Variants in GRIK2 observed in about 807,000 individuals in gnomAD.
GRIK2 encodes the protein glutamate receptor ionotropic, kainate 2.
GRIK2 carries 32 observed loss-of-function variants against 100.3 expected under a neutral mutation model. The ratio of observed to expected loss-of-function variants is 0.32; its 90% CI spans 0.24 to 0.43. The LOEUF (loss-of-function observed/expected upper bound fraction) is 0.43, where lower values mean the gene tolerates loss of function less well. GRIK2 is among the 20% of genes least tolerant of loss of function. The probability of loss-of-function intolerance (pLI) is 1.00; values close to 1 mark genes in which losing one functional copy is unlikely to be tolerated. For synonymous variants in GRIK2, 417 were observed against 389.4 expected, an observed-to-expected ratio of 1.07 and a Z score of -0.83; for missense variants, 843 against 1,114.9, an observed-to-expected ratio of 0.76 and a Z score of 3.47.
intron 2 of GRIK2, among the ~76,000 whole-genome samples, chr6:101,459,742 G>A (rs1771198263): frequency 6.6e-6 from 1 of 151,132 alleles, no homozygotes; most frequent in Non-Finnish European, 1.5e-5. Flanking sequence ...TCATTTTATT[G>A]TACTCTGCTC....
rs1770208888 is a variant in GRIK2 at position 102,035,256 on chromosome 6, T to C, written c.2086-85T>C. On this transcript the variant is annotated intron_variant, in intron 14 of 16. Coordinates refer to ENST00000369134, the MANE Select transcript of GRIK2 (RefSeq NM_021956.5). The stretch of plus-strand genomic sequence containing the variant: ...TAAGATGGTACAAGTAAAGTAAATG[T>C]AGTTCATTGTGTCTAAGCATTATAG... 13 of 591,252 alleles carry C rather than the reference T, an allele frequency of 2.2e-5. No homozygotes were observed. The South Asian group carries it at 3.2e-4, about 14-fold the overall frequency. The allele number at this position is 591,252 out of a possible 1,614,324, so 36.6% of individuals were successfully genotyped here.
chr6:101,678,686 A>G (rs1771018775), intron 5 of GRIK2, among the ~76,000 whole-genome samples: 1 of 152,166 alleles, frequency 6.6e-6, no homozygotes, highest in South Asian at 2.1e-4. Context: ...CTGAACATTC[A>G]CTGATGTTGG....
intron 2 of GRIK2, among the ~76,000 whole-genome samples, chr6:101,571,023 G>A (rs1343346383): frequency 6.6e-6 from 1 of 151,532 alleles, no homozygotes; most frequent in Non-Finnish European, 1.5e-5. Context: ...TGATTTTTCT[G>A]TAGAGTTTGA....
chr6:101,610,773 G>T (rs754247549), intron 2 of GRIK2, among the ~76,000 whole-genome samples: 9 of 151,666 alleles, frequency 5.9e-5, no homozygotes, highest in Non-Finnish European at 1.0e-4. Context: ...TTTTCATTTG[G>T]TTGACCTATT....
intron 2 of GRIK2, among the ~76,000 whole-genome samples, chr6:101,405,373 TGA>T (rs1491427401): frequency 6.7e-6 from 1 of 150,234 alleles, no homozygotes; most frequent in Admixed American, 6.6e-5. Context: ...CTTTCTCATT[TGA>T]AAAAAAAAAG....
chr6:101,514,008 C>G (rs1437264392), intron 2 of GRIK2, among the ~76,000 whole-genome samples: 1 of 151,868 alleles, frequency 6.6e-6, no homozygotes, highest in Non-Finnish European at 1.5e-5. Flanking sequence ...AAATTGCTTG[C>G]AAGACCGATC....
intron 7 of GRIK2, among the ~76,000 whole-genome samples, chr6:101,742,775 GT>G (rs1487549038): frequency 6.6e-6 from 1 of 152,152 alleles, no homozygotes; most frequent in Non-Finnish European, 1.5e-5. Flanking sequence ...TAGCTAGCAG[GT>G]TTCAAAGAGA....
At chr6:101,484,538 TACACACACACACACACAC>T (rs138774364) in intron 2 of GRIK2, among the ~76,000 whole-genome samples, 1 of 148,030 alleles carries the variant, frequency 6.8e-6, no homozygotes, top group Non-Finnish European at 1.5e-5. Flanking sequence ...TATATGTAAC[TACACACACACACACACAC>T]ACACACACAC....
chr6:101,875,286 A>G (rs1440436790), intron 11 of GRIK2, among the ~76,000 whole-genome samples: 2 of 151,876 alleles, frequency 1.3e-5, no homozygotes, highest in Non-Finnish European at 2.9e-5. Flanking sequence ...TGGACAAGAA[A>G]CCAAGGACAA....
At chr6:101,532,002 G>A (rs73504669) in intron 2 of GRIK2, among the ~76,000 whole-genome samples, 14,065 of 151,858 alleles carry the variant, frequency 0.093, 1,837 homozygotes, top group African/African-American at 0.29. Context: ...AAACAAAATT[G>A]TCTTTATAAA....
intron 13 of GRIK2, among the ~76,000 whole-genome samples, chr6:101,926,537 C>T (rs1421791976): frequency 6.6e-6 from 1 of 152,072 alleles, no homozygotes; most frequent in Non-Finnish European, 1.5e-5. Context: ...GCTCATAGGA[C>T]AAACTTGCTA....
At chr6:101,549,176 A>G (rs1356450649) in intron 2 of GRIK2, among the ~76,000 whole-genome samples, 1 of 152,032 alleles carries the variant, frequency 6.6e-6, no homozygotes, top group African/African-American at 2.4e-5. Context: ...AAACACATAC[A>G]GCATACATTG....
chr6:102,045,681 C>A (rs777022838), intron 15 of GRIK2, among the ~76,000 whole-genome samples: 3 of 152,010 alleles, frequency 2.0e-5, no homozygotes, highest in South Asian at 4.1e-4. Flanking sequence ...TAATAAACAA[C>A]CCCACTAAAA....
intron 7 of GRIK2, among the ~76,000 whole-genome samples, chr6:101,761,389 C>CATTT (rs1184794145): frequency 1.3e-5 from 2 of 151,994 alleles, no homozygotes; most frequent in Non-Finnish European, 2.9e-5. Flanking sequence ...TAAGTTAATA[C>CATTT]AGGTTCCCCT....
At chr6:102,042,353 C>CATAAA (rs1582774498) in intron 15 of GRIK2, among the ~76,000 whole-genome samples, 1 of 151,270 alleles carries the variant, frequency 6.6e-6, no homozygotes, top group East Asian at 1.9e-4. Context: ...AAATAATGAA[C>CATAAA]ATAAAATATA....
chr6:101,956,847 TATAG>T (rs1791969598), intron 14 of GRIK2, among the ~76,000 whole-genome samples: 3 of 130,900 alleles, frequency 2.3e-5, no homozygotes, highest in African/African-American at 7.4e-5. Context: ...ATATAAGAAT[TATAG>T]ATATATACAT....
intron 14 of GRIK2, among the ~76,000 whole-genome samples, chr6:101,979,728 A>T (rs1793603364): frequency 6.6e-6 from 1 of 151,960 alleles, no homozygotes; most frequent in Non-Finnish European, 1.5e-5. Context: ...ATAGAGGGAC[A>T]CGAAAAAGTG....
intron 2 of GRIK2, among the ~76,000 whole-genome samples, chr6:101,547,566 G>A (rs963804796): frequency 5.9e-5 from 9 of 152,018 alleles, no homozygotes; most frequent in African/African-American, 9.7e-5. Flanking sequence ...GAGAACATGC[G>A]GTGTTTGGAT....
At chr6:102,060,817 TATAATA>T (rs1302902147) in intron 16 of GRIK2, among the ~76,000 whole-genome samples, 1 of 150,710 alleles carries the variant, frequency 6.6e-6, no homozygotes, top group African/African-American at 2.4e-5. Flanking sequence ...AGCATAATTA[TATAATA>T]ATATCATATT....
Sources: gnomAD v4.1 joint callset for allele counts (sites outside exome capture counted in the v4.1 genomes callset) on GRCh38, gnomAD v4.1.1 for gene constraint, MANE v1.5 for transcripts, NCBI Gene and HGNC (gene_info 2026-07-23, HGNC 2026-07-21) for gene names.